The following NCOA2 variants were observed in gnomAD, a reference collection of about 807,000 sequenced individuals.
The protein encoded by NCOA2 is class E basic helix-loop-helix protein 75.
In NCOA2, 21 loss-of-function variants were observed where a neutral mutation model predicts 145.1. That is an observed-to-expected ratio of 0.14 (90% confidence interval 0.10 to 0.21). The LOEUF (loss-of-function observed/expected upper bound fraction) is 0.21. Ranked by LOEUF, NCOA2 falls within the 10% of genes least tolerant of loss-of-function variation. The pLI, the probability that NCOA2 is intolerant of heterozygous loss-of-function variation, is 1.00. For synonymous variants in NCOA2, 619 were observed against 637.5 expected (o/e 0.97, Z 0.44); for missense variants, 1,472 against 1,837.6 (o/e 0.80, Z 3.64).
At chr8:70,274,811 A>C (rs1350482161) in intron 2 of NCOA2, among the ~76,000 whole-genome samples, 1 of 152,188 alleles carries the variant, frequency 6.6e-6, no homozygotes, top group Non-Finnish European at 1.5e-5. Context: ...TGAACTGAAA[A>C]GTATTCATAA....
At chr8:70,258,295 A>G (rs1026519242) in intron 2 of NCOA2, among the ~76,000 whole-genome samples, 1 of 152,240 alleles carries the variant, frequency 6.6e-6, no homozygotes, top group African/African-American at 2.4e-5. Flanking sequence ...CTGCTGATGC[A>G]GTATCAAAGA....
At chr8:70,329,675 T>C (rs1465266849) in intron 1 of NCOA2, among the ~76,000 whole-genome samples, 1 of 151,228 alleles carries the variant, frequency 6.6e-6, no homozygotes, top group Admixed American at 6.6e-5. Context: ...TGTTGATGTA[T>C]TCATCAATAG....
chr8:70,327,969 C>G (rs1400633298), intron 1 of NCOA2, among the ~76,000 whole-genome samples: 3 of 152,172 alleles, frequency 2.0e-5, no homozygotes, highest in Non-Finnish European at 4.4e-5. Context: ...TTAACCTTAC[C>G]AAGATCACCA....
At chr8:70,151,236 A>T (rs1194004402) in intron 11 of NCOA2, among the ~76,000 whole-genome samples, 1 of 152,132 alleles carries the variant, frequency 6.6e-6, no homozygotes, top group Non-Finnish European at 1.5e-5. Context: ...TCCCAGACAT[A>T]TGTAAAAGGA....
At chr8:70,260,204 G>A (rs1000134474) in intron 2 of NCOA2, among the ~76,000 whole-genome samples, 1 of 152,154 alleles carries the variant, frequency 6.6e-6, no homozygotes, top group Non-Finnish European at 1.5e-5. Context: ...TTGAGACAGG[G>A]TCTCGGTCTG....
the NCOA2 span, among the ~76,000 whole-genome samples, chr8:70,441,211 G>A: frequency 6.7e-6 from 1 of 148,870 alleles, no homozygotes; most frequent in Non-Finnish European, 1.5e-5. Context: ...GGTCACATGT[G>A]GGAGAAAAGG....
intron 11 of NCOA2, among the ~76,000 whole-genome samples, chr8:70,149,619 A>G (rs1441984060): frequency 2.6e-5 from 4 of 152,084 alleles, no homozygotes; most frequent in African/African-American, 9.7e-5. Flanking sequence ...ACATAAGCTA[A>G]GTATCACCAC....
At chr8:70,199,321 G>T (rs1817654111) in intron 4 of NCOA2, among the ~76,000 whole-genome samples, 1 of 151,734 alleles carries the variant, frequency 6.6e-6, no homozygotes, top group African/African-American at 2.4e-5. Context: ...TGTGGTGGTG[G>T]GTGCCTGTAG....
chr8:70,392,858 A>G (rs1813329463), intron 1 of NCOA2, among the ~76,000 whole-genome samples: 1 of 152,250 alleles, frequency 6.6e-6, no homozygotes, highest in Non-Finnish European at 1.5e-5. Context: ...CAAAGCCAAA[A>G]ATTTAATTCT....
At chr8:70,242,658 TA>T (rs1822245383) in intron 2 of NCOA2, among the ~76,000 whole-genome samples, 1 of 152,102 alleles carries the variant, frequency 6.6e-6, no homozygotes, top group South Asian at 2.1e-4. Flanking sequence ...TCCTGAATCT[TA>T]TATTCCCTTG....
upstream of NCOA2, among the ~76,000 whole-genome samples, chr8:70,408,775 CTT>C (rs34645469): frequency 4.0e-5 from 5 of 126,266 alleles, no homozygotes; most frequent in Admixed American, 1.6e-4. Flanking sequence ...CCACACCCAG[CTT>C]TTTTTTTTTT....
At chr8:70,157,299 T>C in intron 10 of NCOA2, 59 bp from the exon 11 acceptor site, 3 of 1,436,820 alleles carry the variant, frequency 2.1e-6, no homozygotes, top group Non-Finnish European at 2.8e-6. Flanking sequence ...AGCAAGTTGT[T>C]ATTAATTTTT....
intron 2 of NCOA2, among the ~76,000 whole-genome samples, chr8:70,219,088 C>T (rs947811939): frequency 4.6e-5 from 7 of 151,980 alleles, no homozygotes; most frequent in South Asian, 2.1e-4. Context: ...AATACATACA[C>T]GAACAATTGT....
At chr8:70,432,291 T>A in the NCOA2 span, among the ~76,000 whole-genome samples, 1 of 152,230 alleles carries the variant, frequency 6.6e-6, no homozygotes, top group Non-Finnish European at 1.5e-5. Flanking sequence ...CTATGATGTA[T>A]CTGCTCTACA....
At chr8:70,444,381 G>A in the NCOA2 span, among the ~76,000 whole-genome samples, 19 of 152,308 alleles carry the variant, frequency 1.2e-4, no homozygotes, top group African/African-American at 4.1e-4. Context: ...GGCTATAAAA[G>A]GGTAGCACGA....
intron 2 of NCOA2, among the ~76,000 whole-genome samples, chr8:70,221,251 C>G (rs537422149): frequency 6.6e-6 from 1 of 152,150 alleles, no homozygotes; most frequent in East Asian, 1.9e-4. Context: ...CTTAAATACC[C>G]TTCCATTTCT....
the NCOA2 span, among the ~76,000 whole-genome samples, chr8:70,435,636 G>A: frequency 6.6e-6 from 1 of 150,778 alleles, no homozygotes; most frequent in Admixed American, 6.6e-5. Context: ...ATTCACACAT[G>A]TAAAATACCT....
intron 1 of NCOA2, among the ~76,000 whole-genome samples, chr8:70,300,573 C>G (rs538393633): frequency 1.4e-4 from 22 of 152,316 alleles, no homozygotes; most frequent in African/African-American, 5.1e-4. Flanking sequence ...ATAAATAAGA[C>G]AGCTGGCAGC....
At position 70,113,495 on chromosome 8, in the gene NCOA2, A is replaced by G; in HGVS notation, c.*137T>C. The G allele has an allele frequency of 1.0e-6, 1 of 966,344 alleles. No homozygotes were observed. 59.9% of individuals were successfully genotyped at this position (966,344 alleles called of 1,614,324 possible). A position where few individuals can be genotyped will look rare whatever the true frequency, so the allele number is the denominator to read the frequency against. On this transcript the variant is annotated 3_prime_UTR_variant, in exon 23 of 23. Coordinates refer to ENST00000452400, the MANE Select transcript of NCOA2 (RefSeq NM_006540.4). ...CCGAGTGGACGCCACCCTGGGAACC[A>G]GGGCCAGGCCTGTCTGCTCTAGCAG... is the stretch of plus-strand genomic sequence containing the variant.
Sources: gnomAD v4.1 joint callset for allele counts (sites outside exome capture counted in the v4.1 genomes callset) on GRCh38, gnomAD v4.1.1 for gene constraint, MANE v1.5 for transcripts, NCBI Gene and HGNC (gene_info 2026-07-23, HGNC 2026-07-21) for gene names.